The following PMM2 variants were observed in gnomAD, a reference collection of about 807,000 sequenced individuals.
PMM2 encodes the protein mannose-6-phosphate isomerase.
In PMM2, 35 loss-of-function variants were observed where a neutral mutation model predicts 33.2. The ratio of observed to expected loss-of-function variants is 1.06; its 90% CI spans 0.81 to 1.40. PMM2 has a LOEUF of 1.40. PMM2 is among the 40% of genes most tolerant of loss of function. PMM2 has a pLI of 0.00. For synonymous variants in PMM2, 153 were observed against 114.7 expected (o/e 1.33, Z -2.13); for missense variants, 386 against 306.0 (o/e 1.26, Z -1.95).
chr16:8,842,231 T>A (rs1352878005), intron 7 of PMM2: 1 of 152,272 alleles, frequency 6.6e-6, no homozygotes, highest in Non-Finnish European at 1.5e-5. Flanking sequence ...TATGCCGAGA[T>A]AGGTAACAGA....
chr16:8,847,650 G>A (rs1596509608), intron 7 of PMM2, 74 bp from the exon 8 acceptor site: 1 of 1,093,640 alleles, frequency 9.1e-7, no homozygotes, highest in Non-Finnish European at 1.4e-6. Context: ...GGTACTTTTG[G>A]ACTCCAGGGT....
intron 7 of PMM2, among the ~76,000 whole-genome samples, chr16:8,824,658 CTT>C (rs964134839): frequency 6.9e-6 from 1 of 145,166 alleles, no homozygotes. Flanking sequence ...CTTTAGGGGA[CTT>C]TTTTTTTTTA....
intron 7 of PMM2, chr16:8,832,868 C>T (rs2060819097): frequency 2.0e-6 from 2 of 985,332 alleles, no homozygotes; most frequent in Admixed American, 6.1e-5. Flanking sequence ...CCCTCACGTC[C>T]CTCAGATGCC....
chr16:8,821,651 G>C (rs1296088882), intron 7 of PMM2, among the ~76,000 whole-genome samples: 1 of 152,222 alleles, frequency 6.6e-6, no homozygotes, highest in African/African-American at 2.4e-5. Flanking sequence ...TGAGAGGGCT[G>C]TGCTCAGAGC....
Position 8,806,183 on chromosome 16 carries a change from G to A in PMM2, c.256-133G>A, listed in dbSNP as rs8060683. On this transcript the variant is annotated intron_variant, in intron 3 of 7. Transcript: ENST00000268261. Reference sequence around the variant, plus strand: ...AAGAGAAGGAATTAAACAGACAGTGGGGCATGTCACCATCACTGCTACATC... The same window carrying A: ...AAGAGAAGGAATTAAACAGACAGTGAGGCATGTCACCATCACTGCTACATC... The A allele has an allele frequency of 1.6e-3, 1,129 of 713,686 alleles. 11 individuals carry two copies. In the African/African-American group the frequency reaches 0.017, roughly 11 times the overall value. The allele number at this position is 713,686 out of a possible 1,614,324, so 44.2% of individuals were successfully genotyped here.
Position 8,804,800 on chromosome 16 carries a change from A to G in PMM2, c.212A>G (p.Asn71Ser), listed in dbSNP as rs1186553842. ...VEKYDYVFPE[N>S]GLVAYKDGKL... Reference sequence around the variant, plus strand: ...AAATACGATTATGTGTTTCCAGAAAATGGCTTGGTAGCATACAAAGATGGG... The same window carrying G: ...AAATACGATTATGTGTTTCCAGAAAGTGGCTTGGTAGCATACAAAGATGGG... Residue 71 changes from asparagine (N) to serine (S), a missense_variant, in exon 3 of 8, where the codon AAT becomes AGT. By Grantham distance (46) the Asn-to-Ser change is conservative (BLOSUM62 1). Transcript: ENST00000268261. 7 of 1,613,524 alleles carry G rather than the reference A, an allele frequency of 4.3e-6. No homozygotes were observed. Among genetic ancestry groups the G allele is most frequent in the Non-Finnish European group, 5.9e-6 (7 of 1,179,468 alleles).
At chr16:8,827,957 A>T (rs867320398) in intron 7 of PMM2, among the ~76,000 whole-genome samples, 1 of 97,168 alleles carries the variant, frequency 1.0e-5, no homozygotes, top group African/African-American at 3.8e-5. Flanking sequence ...ATATATATTT[A>T]TAAATTTATA....
At chr16:8,834,262 T>G (rs572264477) in intron 7 of PMM2, among the ~76,000 whole-genome samples, 8 of 152,274 alleles carry the variant, frequency 5.3e-5, no homozygotes, top group African/African-American at 1.9e-4. Flanking sequence ...ATTCTACCTT[T>G]CCTGAAGATT....
chr16:8,805,212 C>T (rs1313351999), intron 3 of PMM2, among the ~76,000 whole-genome samples: 1 of 152,140 alleles, frequency 6.6e-6, no homozygotes, highest in African/African-American at 2.4e-5. Flanking sequence ...GGATTACAGG[C>T]ACACGCCACC....
chr16:8,814,149 G>C (rs1033887155), intron 7 of PMM2, among the ~76,000 whole-genome samples: 1 of 151,994 alleles, frequency 6.6e-6, no homozygotes, highest in African/African-American at 2.4e-5. Flanking sequence ...TGACAGGTGT[G>C]ATTTTTAGTA....
chr16:8,842,683 C>T lies in PMM2; in HGVS notation c.640-5041C>T, dbSNP rs181280823. 8.3e-3 allele frequency among the ~76,000 whole-genome samples: 1,260 copies of T among 152,312 alleles called. 14 individuals carry two copies. The highest frequency in any genetic ancestry group is 0.029 in the African/African-American group (1,213 of 41,550). On this transcript the variant is annotated intron_variant, in intron 7 of 7. Coordinates refer to ENST00000268261, the MANE Select transcript of PMM2 (RefSeq NM_000303.3). ...GCAAAACAATTTGGTTGATAAGGCGCAGATCCTGAACTAATCTGTAAGACT... is the reference window on the plus strand; with the variant it reads ...GCAAAACAATTTGGTTGATAAGGCGTAGATCCTGAACTAATCTGTAAGACT...
At chr16:8,833,854 A>G (rs1371942862) in intron 7 of PMM2, among the ~76,000 whole-genome samples, 2 of 152,224 alleles carry the variant, frequency 1.3e-5, no homozygotes, top group Admixed American at 1.3e-4. Flanking sequence ...CCTGCCAGCA[A>G]AGATTATTTA....
At position 8,799,285 on chromosome 16, in the gene PMM2, A is replaced by G. The variant is rs111559807; in HGVS notation, c.66+1337A>G. ...AGGGTTTACATTGCCACCCTTTTTC[A>G]TATCACTGAACCCTCTCAACCTTCC... On this transcript the variant is annotated intron_variant, in intron 1 of 7. Coordinates refer to ENST00000268261, the MANE Select transcript of PMM2 (RefSeq NM_000303.3). Among the ~76,000 whole-genome samples, 974 of 152,268 alleles carry G rather than the reference A, an allele frequency of 6.4e-3. 19 individuals carry two copies. The highest frequency in any genetic ancestry group is 0.022 in the African/African-American group (917 of 41,552).
At chr16:8,846,825 C>G (rs1348825284) in intron 7 of PMM2, among the ~76,000 whole-genome samples, 1 of 152,168 alleles carries the variant, frequency 6.6e-6, no homozygotes, top group Non-Finnish European at 1.5e-5. Context: ...TCCAGAGACC[C>G]TGCTTTTAGC....
At chr16:8,803,582 C>T (rs1005446933) in intron 2 of PMM2, among the ~76,000 whole-genome samples, 2 of 152,232 alleles carry the variant, frequency 1.3e-5, no homozygotes, top group African/African-American at 4.8e-5. Flanking sequence ...TGCATTTTAA[C>T]AGGTACCTGA....
At chr16:8,832,674 C>T in intron 7 of PMM2, 4 of 985,460 alleles carry the variant, frequency 4.1e-6, no homozygotes, top group Non-Finnish European at 4.8e-6. Context: ...CCTCACCCCG[C>T]ACCCGTTCTC....
At chr16:8,814,343 G>GGGGTTGCAT (rs2060694374) in intron 7 of PMM2, among the ~76,000 whole-genome samples, 1 of 152,152 alleles carries the variant, frequency 6.6e-6, no homozygotes, top group Admixed American at 6.5e-5. Context: ...CATGCAGGCT[G>GGGGTTGCAT]GGGGTGTTGG....
At chr16:8,842,144 T>C (rs1047528740) in intron 7 of PMM2, 6 of 151,144 alleles carry the variant, frequency 4.0e-5, no homozygotes, top group African/African-American at 1.5e-4. Flanking sequence ...AGGGAGTTGT[T>C]GTTTTGGAAG....
In PMM2 at chr16:8,829,952, G is replaced by C. The variant is rs530098650; in HGVS notation, c.639+16846G>C. On this transcript the variant is annotated intron_variant, in intron 7 of 7. Transcript: ENST00000268261. ...CAATTAGGGCAGATACCCCATGCTGGGGCTACAAACAGATACCACCTAATA... is the reference window on the plus strand; with the variant it reads ...CAATTAGGGCAGATACCCCATGCTGCGGCTACAAACAGATACCACCTAATA... 2.0e-5 allele frequency among the ~76,000 whole-genome samples: 3 copies of C among 152,292 alleles called. No individual in the cohort carries two copies. In the South Asian group the frequency reaches 6.2e-4, roughly 32 times the overall value.
Sources: gnomAD v4.1 joint callset for allele counts (sites outside exome capture counted in the v4.1 genomes callset) on GRCh38, gnomAD v4.1.1 for gene constraint, MANE v1.5 for transcripts, NCBI Gene and HGNC (gene_info 2026-07-23, HGNC 2026-07-21) for gene names.